DYNC2H1: variants seen among roughly 807,000 people sequenced by gnomAD.
DYNC2H1 encodes dynein cytoplasmic 2 heavy chain 1, also known as cytoplasmic dynein 2 heavy chain 1.
Under a neutral mutation model 570.0 loss-of-function variants are expected in DYNC2H1, and 410 were observed. The ratio of observed to expected loss-of-function variants is 0.72; its 90% confidence interval spans 0.66 to 0.78. The LOEUF is 0.78. DYNC2H1 is among the 30% of genes least tolerant of loss of function. The pLI, the probability that DYNC2H1 is intolerant of heterozygous loss-of-function variation, is 0.00. For missense variants in DYNC2H1, 4,865 were observed against 5,046.4 expected, an observed-to-expected ratio of 0.96 and a Z score of 1.09; for synonymous variants, 1,688 against 1,677.6, an observed-to-expected ratio of 1.01 and a Z score of -0.15.
chr11:103,212,082 C>T, intron 54 of DYNC2H1, 139 bp downstream of exon 54: 1 of 1,076,072 alleles, frequency 9.3e-7, no homozygotes, highest in Non-Finnish European at 1.2e-6. Context: ...AACAGTCTCA[C>T]TTTCCTACCT....
At chr11:103,242,193 A>G (rs1418185656) in intron 63 of DYNC2H1, among the ~76,000 whole-genome samples, 1 of 152,136 alleles carries the variant, frequency 6.6e-6, no homozygotes, top group African/African-American at 2.4e-5. Context: ...ACATACTATG[A>G]TATACATACA....
chr11:103,355,882 A>T (rs1335670261), intron 82 of DYNC2H1, among the ~76,000 whole-genome samples: 3 of 152,056 alleles, frequency 2.0e-5, no homozygotes, highest in African/African-American at 7.2e-5. Context: ...ATGTATTTTT[A>T]AAATTTTTTA....
At position 103,157,804 on chromosome 11, in the gene DYNC2H1, T is replaced by C. The variant is rs1456984683; in HGVS notation, c.4128-873T>C. 1.3e-5 allele frequency among the ~76,000 whole-genome samples: 2 copies of C among 152,216 alleles called. No homozygotes were observed. The highest frequency in any genetic ancestry group is 2.4e-5 in the African/African-American group (1 of 41,466). ...AAATAGTTTCCCATTGTGCTAGGGA[T>C]AAAGCATGATCTGCTCCTTGTTCAT... On this transcript the variant is annotated intron_variant, in intron 26 of 88. Coordinates refer to ENST00000375735, the MANE Select transcript of DYNC2H1 (RefSeq NM_001377.3). This position sits in a 1 kb window ranked among gnomAD's most constrained non-coding sequence, Gnocchi z 4.2.
intron 83 of DYNC2H1, among the ~76,000 whole-genome samples, chr11:103,374,823 C>T (rs12576263): frequency 0.052 from 7,913 of 152,242 alleles, 385 homozygotes; most frequent in East Asian, 0.19. Flanking sequence ...AAGTTTGGAA[C>T]ATTTGCAGTC....
chr11:103,357,082 A>G (rs970923861), intron 82 of DYNC2H1, among the ~76,000 whole-genome samples: 23 of 152,270 alleles, frequency 1.5e-4, no homozygotes, highest in African/African-American at 5.5e-4. Flanking sequence ...GAAAAACAAT[A>G]TATACATCAT....
chr11:103,192,337 G>A (rs1862351727), intron 47 of DYNC2H1, 73 bp downstream of exon 47: 5 of 1,089,474 alleles, frequency 4.6e-6, no homozygotes, highest in Admixed American at 3.1e-5. Flanking sequence ...CCCAGAGCAT[G>A]ATTTTATAGG....
intron 47 of DYNC2H1, among the ~76,000 whole-genome samples, chr11:103,192,502 T>C (rs149495296): frequency 3.9e-5 from 6 of 152,342 alleles, no homozygotes; most frequent in African/African-American, 1.2e-4. Context: ...CTGTTTTACA[T>C]TGGCAATGCA....
intron 83 of DYNC2H1, among the ~76,000 whole-genome samples, chr11:103,361,795 A>C (rs925619603): frequency 1.3e-5 from 2 of 152,124 alleles, no homozygotes; most frequent in Non-Finnish European, 2.9e-5. Flanking sequence ...AAAACAAAAA[A>C]CGAAAAAAGA....
intron 81 of DYNC2H1, among the ~76,000 whole-genome samples, chr11:103,322,129 A>G (rs140949158): frequency 3.5e-4 from 54 of 152,284 alleles, no homozygotes; most frequent in African/African-American, 1.2e-3. Flanking sequence ...CATTCATTCA[A>G]TAATATGCAT....
intron 75 of DYNC2H1, among the ~76,000 whole-genome samples, chr11:103,292,754 A>G (rs1184307452): frequency 1.3e-5 from 2 of 152,172 alleles, no homozygotes; most frequent in African/African-American, 2.4e-5. Context: ...GCCATGTAAC[A>G]TGCAAGCTGC....
intron 85 of DYNC2H1, among the ~76,000 whole-genome samples, chr11:103,450,793 A>G (rs1321772668): frequency 6.6e-6 from 1 of 152,204 alleles, no homozygotes; most frequent in African/African-American, 2.4e-5. Context: ...TGTCTTTTAC[A>G]TTATAGAATT....
chr11:103,121,326 T>C, intron 9 of DYNC2H1, 46 bp from the exon 10 acceptor site: 1 of 1,536,430 alleles, frequency 6.5e-7, no homozygotes, highest in South Asian at 1.2e-5. Context: ...ATTTAGGAAA[T>C]CTTTGCTAAT....
chr11:103,475,749 A>G (rs1411497567), intron 88 of DYNC2H1, among the ~76,000 whole-genome samples: 2 of 152,220 alleles, frequency 1.3e-5, no homozygotes, highest in Non-Finnish European at 2.9e-5. Flanking sequence ...TTGGAAATAT[A>G]TACAAAAACT....
chr11:103,447,746 G>A (rs193103705), intron 85 of DYNC2H1, among the ~76,000 whole-genome samples: 7 of 152,216 alleles, frequency 4.6e-5, no homozygotes, highest in Non-Finnish European at 8.8e-5. Flanking sequence ...ATAAGCACTT[G>A]GGTTTACTAC....
rs1311597653 is a variant in DYNC2H1, at chr11:103,203,088, A to G, written c.8198-575A>G. 1.3e-5 allele frequency among the ~76,000 whole-genome samples: 2 copies of G among 152,210 alleles called. No homozygotes were observed. The highest frequency in any genetic ancestry group is 2.9e-5 in the Non-Finnish European group (2 of 68,030). On this transcript the variant is annotated intron_variant, in intron 50 of 88. Coordinates refer to ENST00000375735, the MANE Select transcript of DYNC2H1 (RefSeq NM_001377.3). This position sits in a 1 kb window ranked among gnomAD's most constrained non-coding sequence, Gnocchi z 4.7. ...AAGAATATTCTAGGGTTAAATGTTG[A>G]ACATTGTCAAATATTTGTCCTCAGA... is the stretch of plus-strand genomic sequence containing the variant.
chr11:103,276,161 C>G (rs1865898411), intron 70 of DYNC2H1, among the ~76,000 whole-genome samples: 1 of 151,394 alleles, frequency 6.6e-6, no homozygotes, highest in Non-Finnish European at 1.5e-5. Flanking sequence ...TGTTAATTCA[C>G]TTAATCAAGA....
intron 55 of DYNC2H1, among the ~76,000 whole-genome samples, chr11:103,218,884 T>A (rs1863479777): frequency 6.6e-6 from 1 of 152,136 alleles, no homozygotes. Context: ...TAGAAAGCAC[T>A]GTCTGAAGAG....
chr11:103,429,617 C>T (rs889908627), intron 84 of DYNC2H1, among the ~76,000 whole-genome samples: 3 of 152,138 alleles, frequency 2.0e-5, no homozygotes, highest in Admixed American at 6.6e-5. Flanking sequence ...TAAGGGCTCT[C>T]TTATTGTTAA....
chr11:103,153,745 G>GAT (rs1398496444), intron 22 of DYNC2H1, among the ~76,000 whole-genome samples: 1 of 151,820 alleles, frequency 6.6e-6, no homozygotes, highest in African/African-American at 2.4e-5. Flanking sequence ...TTACCTAGAA[G>GAT]TTATATCAGG....
Sources: allele counts gnomAD v4.1 joint callset (sites outside exome capture counted in the v4.1 genomes callset), GRCh38; gene constraint gnomAD v4.1.1; non-coding constraint Gnocchi (gnomAD v3.1); transcripts MANE v1.5; gene names NCBI Gene and HGNC (gene_info 2026-07-23, HGNC 2026-07-21).